Variants in MYO18B observed in about 807,000 individuals in gnomAD.
The protein encoded by MYO18B is myosin XVIIIB.
Under a neutral mutation model 273.0 loss-of-function variants are expected in MYO18B, and 204 were observed. That is an observed-to-expected ratio of 0.75 (90% CI 0.67 to 0.84). The LOEUF (loss-of-function observed/expected upper bound fraction) is 0.84. MYO18B is among the 40% of genes least tolerant of loss of function. The probability of loss-of-function intolerance (pLI) is 0.00; values close to 1 mark genes in which losing one functional copy is unlikely to be tolerated. For missense variants in MYO18B, 3,212 were observed against 3,287.6 expected (o/e 0.98, Z 0.56); for synonymous variants, 1,330 against 1,305.7 (o/e 1.02, Z -0.40).
chr22:26,062,168 T>G, the MYO18B span, among the ~76,000 whole-genome samples: 104,034 of 152,042 alleles, frequency 0.68, 37,500 homozygotes, highest in African/African-American at 0.92. Context: ...CTGGTGACAG[T>G]ATAACTCTCT....
At chr22:25,823,723 G>A (rs1275803669) in intron 13 of MYO18B, 45 bp downstream of exon 13, 6 of 1,597,348 alleles carry the variant, frequency 3.8e-6, no homozygotes, top group South Asian at 1.1e-5. Flanking sequence ...CCCCCTCTGG[G>A]CCAGCTCCTG....
At position 26,030,589 on chromosome 22, in the gene MYO18B, A is replaced by G; in HGVS notation, c.*159A>G. 4.5e-6 allele frequency: 1 copy of G among 223,862 alleles called. No homozygotes were observed. The highest frequency in any genetic ancestry group is 5.8e-5 in the Admixed American group (1 of 17,328). 13.9% of individuals were successfully genotyped at this position (223,862 alleles called of 1,614,324 possible). A position where few individuals can be genotyped will look rare whatever the true frequency, so the allele number is the denominator to read the frequency against. ...GCCCACAGAGGCATATCCTGCGGGG[A>G]TGCTGGGCTCCCAGTGTGGTTGGCC... On this transcript the variant is annotated 3_prime_UTR_variant, in exon 44 of 44. Transcript: ENST00000335473.
intron 2 of MYO18B, 125 bp downstream of exon 2, chr22:25,761,256 C>T: frequency 1.5e-5 from 16 of 1,074,566 alleles, no homozygotes; most frequent in Non-Finnish European, 2.2e-5. Flanking sequence ...GTAGCATGTG[C>T]AATCCCACCT....
intron 42 of MYO18B, among the ~76,000 whole-genome samples, chr22:26,017,454 C>T (rs1319743331): frequency 1.3e-5 from 2 of 151,904 alleles, no homozygotes; most frequent in Non-Finnish European, 2.9e-5. Context: ...ATCACAACAG[C>T]TCTCCTTAAA....
At position 25,976,248 on chromosome 22, in the gene MYO18B, G is replaced by C. The variant is rs561228138; in HGVS notation, c.6157-16115G>C. 1.1e-4 allele frequency among the ~76,000 whole-genome samples: 17 copies of C among 152,256 alleles called. No homozygotes were observed. The South Asian group carries it at 3.3e-3, about 30-fold the overall frequency. On this transcript the variant is annotated intron_variant, in intron 39 of 43. Coordinates refer to ENST00000335473, the MANE Select transcript of MYO18B (RefSeq NM_032608.7). ...CCTAATGCTGAGGTCAAGAAACCCT[G>C]CTTTCTCAAGACACTGCTCAGTGTC...
intron 12 of MYO18B, among the ~76,000 whole-genome samples, chr22:25,803,667 G>A (rs561298257): frequency 2.4e-4 from 37 of 152,222 alleles, no homozygotes; most frequent in Admixed American, 8.5e-4. Flanking sequence ...GTCACTTCCC[G>A]TATCTAAGCC....
intron 12 of MYO18B, among the ~76,000 whole-genome samples, chr22:25,814,912 C>CCT (rs2088934333): frequency 6.6e-6 from 1 of 152,192 alleles, no homozygotes; most frequent in South Asian, 2.1e-4. Flanking sequence ...AAGTAAGTTA[C>CCT]CTAAGGTCAT....
intron 9 of MYO18B, 82 bp from the exon 10 acceptor site, chr22:25,781,652 T>A: frequency 1.4e-6 from 1 of 726,702 alleles, no homozygotes; most frequent in African/African-American, 1.9e-5. Context: ...GGCACCCCAA[T>A]GGGGCTTCTG....
At chr22:25,992,524 C>G in intron 40 of MYO18B, 31 bp downstream of exon 40, 1 of 1,612,544 alleles carries the variant, frequency 6.2e-7, no homozygotes, top group African/African-American at 1.3e-5. Context: ...CGGGGCTGGG[C>G]GCAGCAGGTG....
chr22:26,012,364 A>G (rs1393636384), intron 42 of MYO18B, among the ~76,000 whole-genome samples: 1 of 152,238 alleles, frequency 6.6e-6, no homozygotes, highest in Non-Finnish European at 1.5e-5. Flanking sequence ...ATTCTTAGAA[A>G]TGGAGCTCAG....
intron 21 of MYO18B, among the ~76,000 whole-genome samples, chr22:25,853,635 A>T (rs1248696651): frequency 6.6e-6 from 1 of 152,138 alleles, no homozygotes; most frequent in Non-Finnish European, 1.5e-5. Flanking sequence ...TCTGTGGTTG[A>T]AAATGGTGCA....
chr22:25,769,022 T>C lies in MYO18B; in HGVS notation c.1106T>C (p.Leu369Pro). 1 of 1,611,378 alleles carries C rather than the reference T, an allele frequency of 6.2e-7. No individual in the cohort carries two copies. The highest frequency in any genetic ancestry group is 8.5e-7 in the Non-Finnish European group (1 of 1,178,712). Residue 369 changes from leucine (L) to proline (P), a missense_variant, in exon 4 of 44, where the codon CTG (leucine) becomes CCG (proline). By Grantham distance (98) the Leu-to-Pro change is moderately conservative. Transcript: ENST00000335473. The stretch of plus-strand genomic sequence containing the variant: ...GTGCAGGGCGAGTTGGGGGACGATC[T>C]GAGAATGGGGGAGAAAGCAGGTGAG... ...SQVQGELGDD[L>P]RMGEKAGELR... is the part of the protein sequence containing the mutation.
At chr22:25,753,274 A>C (rs1317908061) in intron 1 of MYO18B, among the ~76,000 whole-genome samples, 1 of 152,118 alleles carries the variant, frequency 6.6e-6, no homozygotes, top group Non-Finnish European at 1.5e-5. Flanking sequence ...GAGAACTTTC[A>C]TGTCTAGCTA....
intron 33 of MYO18B, 92 bp from the exon 34 acceptor site, chr22:25,921,165 C>A: frequency 7.6e-7 from 1 of 1,316,240 alleles, no homozygotes; most frequent in Non-Finnish European, 1.0e-6. Flanking sequence ...GTGGCAGAGG[C>A]AGGATTTAAA....
intron 11 of MYO18B, among the ~76,000 whole-genome samples, chr22:25,795,220 G>A (rs1001766425): frequency 6.6e-6 from 1 of 152,132 alleles, no homozygotes; most frequent in African/African-American, 2.4e-5. Flanking sequence ...ACTTCTTTCT[G>A]TTTTCATGAT....
At chr22:25,880,695 ACACAAGG>A (rs1334116951) in intron 25 of MYO18B, among the ~76,000 whole-genome samples, 2 of 152,248 alleles carry the variant, frequency 1.3e-5, no homozygotes, top group Non-Finnish European at 2.9e-5. Context: ...CCCTGTCCTT[ACACAAGG>A]TCTCCAGGCC....
At position 25,990,717 on chromosome 22, in the gene MYO18B, AAAAGAAAAAGAAAAAAAAAAAG is replaced by A. The variant is rs1569270819; in HGVS notation, c.6157-1644_6157-1623del. Among the ~76,000 whole-genome samples the A allele has an allele frequency of 5.6e-4, 23 of 41,128 alleles. 1 individual carries two copies. The highest frequency in any genetic ancestry group is 2.7e-3 in the African/African-American group (14 of 5,138). 27.0% of individuals were successfully genotyped at this position (41,128 alleles called of 152,430 possible). On this transcript the variant is annotated intron_variant, in intron 39 of 43. Transcript: ENST00000335473. ...AAAAAAAAAAAAAAAAAAAAAAAAA[AAAAGAAAAAGAAAAAAAAAAAG>A]ACTCCAGGCTAAGAGAGGGGCTGTG...
At chr22:25,965,469 C>T (rs2092967717) in intron 39 of MYO18B, among the ~76,000 whole-genome samples, 1 of 152,200 alleles carries the variant, frequency 6.6e-6, no homozygotes, top group African/African-American at 2.4e-5. Context: ...AAATGTTTAA[C>T]AACTGCCTTT....
chr22:25,794,985 C>T lies in MYO18B; in HGVS notation c.2377-2968C>T, dbSNP rs374524028. Among the ~76,000 whole-genome samples the T allele has an allele frequency of 1.4e-3, 213 of 152,342 alleles. 9 individuals are homozygous for T. In the South Asian group the frequency reaches 0.043, roughly 31 times the overall value. On this transcript the variant is annotated intron_variant, in intron 11 of 43. Transcript: ENST00000335473. Reference sequence around the variant, plus strand: ...CATGTTAGTTTCTCCCATTCTTGAACTTTGCATAAACAGAAGCACATGGGA... The same window carrying T: ...CATGTTAGTTTCTCCCATTCTTGAATTTTGCATAAACAGAAGCACATGGGA...
Sources: gnomAD v4.1 joint callset for allele counts (sites outside exome capture counted in the v4.1 genomes callset) on GRCh38, gnomAD v4.1.1 for gene constraint, MANE v1.5 for transcripts, NCBI Gene and HGNC (gene_info 2026-07-23, HGNC 2026-07-21) for gene names.